Variants in PRSS23 observed in about 807,000 individuals in gnomAD.
PRSS23 encodes the protein serine protease 23, also known as protease, serine 23.
PRSS23 carries 25 observed loss-of-function variants against 34.7 expected under a neutral mutation model. That is an observed-to-expected ratio of 0.72 (90% confidence interval 0.53 to 1.01). PRSS23 has a LOEUF of 1.01. Among genes scored for constraint, PRSS23 ranks in the 50% least tolerant of loss-of-function variants. The probability of loss-of-function intolerance (pLI) is 0.00; values close to 1 mark genes in which losing one functional copy is unlikely to be tolerated. For synonymous variants in PRSS23, 176 were observed against 186.6 expected, an observed-to-expected ratio of 0.94 and a Z score of 0.46; for missense variants, 445 against 475.6, an observed-to-expected ratio of 0.94 and a Z score of 0.60.
intron 2 of PRSS23, among the ~76,000 whole-genome samples, chr11:86,919,142 C>T (rs1202190108): frequency 6.6e-6 from 1 of 152,174 alleles, no homozygotes; most frequent in African/African-American, 2.4e-5. Flanking sequence ...CTTCCCATCC[C>T]CAAGCAGCGG....
chr11:86,944,371 C>A (rs190595309), intron 2 of PRSS23, among the ~76,000 whole-genome samples: 2 of 151,942 alleles, frequency 1.3e-5, no homozygotes, highest in African/African-American at 4.8e-5. Flanking sequence ...AATAAGGTCA[C>A]GTTCACAGGT....
intron 2 of PRSS23, chr11:86,832,564 G>T (rs1481061034): frequency 6.5e-6 from 3 of 460,818 alleles, no homozygotes. Context: ...GGACCCTTTT[G>T]ATGTCCCTGT....
At chr11:86,889,689 A>G (rs1267892817) in intron 2 of PRSS23, among the ~76,000 whole-genome samples, 1 of 152,234 alleles carries the variant, frequency 6.6e-6, no homozygotes, top group Admixed American at 6.5e-5. Context: ...AGGGACATAA[A>G]CATTCAAACC....
chr11:86,907,172 C>T (rs144802439), intron 2 of PRSS23, among the ~76,000 whole-genome samples: 1 of 152,166 alleles, frequency 6.6e-6, no homozygotes, highest in East Asian at 1.9e-4. Flanking sequence ...AGTGTATATA[C>T]GTACATGTAT....
At chr11:86,824,286 T>C (rs977495024) in intron 2 of PRSS23, among the ~76,000 whole-genome samples, 3 of 143,424 alleles carry the variant, frequency 2.1e-5, no homozygotes, top group African/African-American at 5.2e-5. Flanking sequence ...TACTCCATTC[T>C]GGGCAAAAGA....
chr11:86,831,254 A>G (rs1291033922), intron 2 of PRSS23, among the ~76,000 whole-genome samples: 4 of 151,940 alleles, frequency 2.6e-5, no homozygotes, highest in Non-Finnish European at 1.5e-5. Context: ...GCGGGTTTAC[A>G]CCTTTTTGTA....
chr11:86,930,169 A>G (rs145125363), intron 2 of PRSS23, among the ~76,000 whole-genome samples: 1 of 134,922 alleles, frequency 7.4e-6, no homozygotes, highest in African/African-American at 2.7e-5. Flanking sequence ...AAAAAAACTG[A>G]TATCAAGAAG....
intron 2 of PRSS23, among the ~76,000 whole-genome samples, chr11:86,825,746 C>T (rs1281898726): frequency 6.6e-6 from 1 of 151,702 alleles, no homozygotes; most frequent in African/African-American, 2.4e-5. Context: ...GAATCCTTTC[C>T]CCATTGCTTG....
intron 2 of PRSS23, chr11:86,935,745 A>G (rs1313886973): frequency 2.0e-5 from 3 of 152,206 alleles, no homozygotes; most frequent in African/African-American, 7.2e-5. Flanking sequence ...CCAAGCTCAC[A>G]TCGCTAGAAA....
rs1948285164 is a variant in PRSS23, at chr11:86,824,676, G to A, written c.206+1083G>A. On this transcript the variant is annotated intron_variant, in intron 2 of 2. Coordinates refer to the PRSS23 transcript ENST00000533902. The stretch of plus-strand genomic sequence containing the variant: ...CCCAGAGTGTGATGTTCCCCTTCCT[G>A]TGTCCATGTGTTCTCATTGTTCAAT... Among the ~76,000 whole-genome samples the A allele has an allele frequency of 1.0e-4, 13 of 127,266 alleles. No homozygotes were observed. The South Asian group carries it at 3.1e-3, about 31-fold the overall frequency. The allele number at this position is 127,266 out of a possible 152,430, so 83.5% of individuals were successfully genotyped here.
intron 2 of PRSS23, among the ~76,000 whole-genome samples, chr11:86,883,227 T>C (rs533554338): frequency 1.1e-4 from 16 of 152,338 alleles, no homozygotes; most frequent in African/African-American, 3.4e-4. Context: ...GGCATCATGC[T>C]ACTCGACTTC....
intron 2 of PRSS23, chr11:86,950,656 T>C (rs1343079202): frequency 5.2e-6 from 1 of 193,002 alleles, no homozygotes; most frequent in African/African-American, 2.3e-5. Flanking sequence ...ACTATAAAAC[T>C]CTTGTAACAC....
chr11:86,840,642 A>G (rs1424311672), intron 2 of PRSS23, among the ~76,000 whole-genome samples: 1 of 152,194 alleles, frequency 6.6e-6, no homozygotes, highest in Non-Finnish European at 1.5e-5. Flanking sequence ...TCTACCCCAA[A>G]TCAACAGAAT....
At chr11:86,928,703 A>AT (rs58756965) in intron 2 of PRSS23, among the ~76,000 whole-genome samples, 799 of 49,206 alleles carry the variant, frequency 0.016, 117 homozygotes, top group African/African-American at 0.022. Flanking sequence ...AAAAAAAAAA[A>AT]AAATTGGCAA....
chr11:86,865,329 C>G (rs999411486), intron 2 of PRSS23, among the ~76,000 whole-genome samples: 5 of 152,112 alleles, frequency 3.3e-5, no homozygotes, highest in Non-Finnish European at 7.4e-5. Context: ...TGGGGATGAC[C>G]GTAGTAATGA....
chr11:86,894,055 C>A (rs1014673792), intron 2 of PRSS23, among the ~76,000 whole-genome samples: 2 of 152,154 alleles, frequency 1.3e-5, no homozygotes, highest in African/African-American at 4.8e-5. Flanking sequence ...ACTCTGTCGC[C>A]CAGGCTGGAG....
chr11:86,842,018 A>G (rs1191905740), intron 2 of PRSS23, among the ~76,000 whole-genome samples: 1 of 152,268 alleles, frequency 6.6e-6, no homozygotes, highest in African/African-American at 2.4e-5. Context: ...ACGAACATCA[A>G]TGAGAAAATC....
intron 2 of PRSS23, chr11:86,935,623 GTTGTAATTACCCCAACTGT>G (rs1441791768): frequency 6.6e-6 from 1 of 151,926 alleles, no homozygotes; most frequent in East Asian, 1.9e-4. Context: ...TACCCCAAAT[GTTGTAATTACCCCAACTGT>G]TGGTAATTAC....
chr11:86,845,921 A>G (rs1948482987), intron 2 of PRSS23, among the ~76,000 whole-genome samples: 1 of 152,216 alleles, frequency 6.6e-6, no homozygotes, highest in African/African-American at 2.4e-5. Context: ...GCAAGGTCAT[A>G]AAGTAGCTAA....
Sources: gnomAD v4.1 joint callset for allele counts (sites outside exome capture counted in the v4.1 genomes callset) on GRCh38, gnomAD v4.1.1 for gene constraint, MANE v1.5 for transcripts, NCBI Gene and HGNC (gene_info 2026-07-23, HGNC 2026-07-21) for gene names.